Variants in IFT52 observed in about 807,000 individuals in gnomAD.
The protein encoded by IFT52 is intraflagellar transport protein 52 homolog.
A neutral mutation model predicts 54.4 loss-of-function variants in IFT52; 44 were observed. The ratio of observed to expected loss-of-function variants is 0.81; its 90% confidence interval spans 0.63 to 1.04. IFT52 has a LOEUF of 1.04. Ranked by LOEUF, IFT52 falls within the 50% of genes least tolerant of loss-of-function variation. The probability of loss-of-function intolerance (pLI) is 0.00; values close to 1 mark genes in which losing one functional copy is unlikely to be tolerated. For synonymous variants in IFT52, 181 were observed against 185.3 expected (o/e 0.98, Z 0.19); for missense variants, 452 against 523.6 (o/e 0.86, Z 1.33).
At chr20:43,593,101 AAATAAT>A (rs951117490) in intron 1 of IFT52, among the ~76,000 whole-genome samples, 17 of 152,272 alleles carry the variant, frequency 1.1e-4, no homozygotes, top group African/African-American at 3.1e-4. Flanking sequence ...CTTTTATCTC[AAATAAT>A]AATAATAAGA....
intron 6 of IFT52, among the ~76,000 whole-genome samples, chr20:43,610,618 A>G (rs1983363687): frequency 6.6e-6 from 1 of 151,962 alleles, no homozygotes; most frequent in Admixed American, 6.6e-5. Flanking sequence ...GGGCACCTGT[A>G]GTCCCAACTA....
At chr20:43,612,341 G>C (rs1390581445) in intron 6 of IFT52, among the ~76,000 whole-genome samples, 4 of 152,088 alleles carry the variant, frequency 2.6e-5, no homozygotes, top group Non-Finnish European at 5.9e-5. Flanking sequence ...CTCTTTCATA[G>C]TATGACAACA....
intron 12 of IFT52, 38 bp downstream of exon 12, chr20:43,637,291 T>G (rs756170856): frequency 8.3e-7 from 1 of 1,203,008 alleles, no homozygotes; most frequent in Non-Finnish European, 1.2e-6. Context: ...AGACAGAGTT[T>G]CACTCTTGTT....
intron 5 of IFT52, among the ~76,000 whole-genome samples, chr20:43,604,567 CT>C (rs536744805): frequency 1.8e-4 from 27 of 152,068 alleles, no homozygotes; most frequent in African/African-American, 5.8e-4. Context: ...CAGAGCGAGA[CT>C]TCATCTCAAA....
At chr20:43,633,022 T>C (rs1489934921) in intron 10 of IFT52, among the ~76,000 whole-genome samples, 1 of 152,208 alleles carries the variant, frequency 6.6e-6, no homozygotes, top group South Asian at 2.1e-4. Context: ...ATTTGGACTT[T>C]ATTGTATTCA....
At chr20:43,628,576 G>A (rs1156626224) in intron 10 of IFT52, among the ~76,000 whole-genome samples, 1 of 152,206 alleles carries the variant, frequency 6.6e-6, no homozygotes, top group Non-Finnish European at 1.5e-5. Flanking sequence ...AAAGAAGCCG[G>A]ACATGATGGC....
chr20:43,632,177 G>A (rs999070436), intron 10 of IFT52, among the ~76,000 whole-genome samples: 2 of 151,872 alleles, frequency 1.3e-5, no homozygotes, highest in South Asian at 4.2e-4. Context: ...CGCCTGCCTC[G>A]GCATCCCAAA....
At chr20:43,622,538 G>A (rs576488522) in intron 9 of IFT52, among the ~76,000 whole-genome samples, 33 of 151,670 alleles carry the variant, frequency 2.2e-4, no homozygotes, top group Admixed American at 1.8e-3. Flanking sequence ...AGGAGGCAGA[G>A]CTTGCAGTGA....
chr20:43,596,407 A>C, intron 2 of IFT52, 28 bp from the exon 3 acceptor site: 2 of 1,418,068 alleles, frequency 1.4e-6, no homozygotes, highest in Non-Finnish European at 2.0e-6. Context: ...TATGGACTTC[A>C]TATTTGCTTT....
intron 6 of IFT52, among the ~76,000 whole-genome samples, chr20:43,612,707 A>AAT (rs1568744741): frequency 2.4e-4 from 37 of 151,466 alleles, no homozygotes; most frequent in African/African-American, 3.6e-4. Context: ...ACAAAACAAA[A>AAT]CAAACAAAAA....
intron 9 of IFT52, among the ~76,000 whole-genome samples, chr20:43,622,010 G>A (rs1984337666): frequency 6.6e-6 from 1 of 152,198 alleles, no homozygotes; most frequent in Admixed American, 6.5e-5. Context: ...CAAGTGCAGA[G>A]CCAGGATCCA....
chr20:43,641,071 A>G (rs1244544117), intron 12 of IFT52, among the ~76,000 whole-genome samples: 1 of 151,416 alleles, frequency 6.6e-6, no homozygotes, highest in African/African-American at 2.4e-5. Flanking sequence ...AAGAAATTAC[A>G]GTATAATGTG....
intron 6 of IFT52, among the ~76,000 whole-genome samples, chr20:43,612,664 C>G (rs549435248): frequency 1.3e-5 from 2 of 151,586 alleles, no homozygotes; most frequent in African/African-American, 4.8e-5. Context: ...TGCACTCCAG[C>G]CTGGGCAACA....
intron 10 of IFT52, 167 bp downstream of exon 10, chr20:43,624,212 T>G: frequency 1.3e-6 from 1 of 742,234 alleles, no homozygotes; most frequent in South Asian, 1.8e-5. Context: ...CATGAGGGGT[T>G]GATGTAGAGG....
chr20:43,641,519 T>C (rs559285176), intron 12 of IFT52, among the ~76,000 whole-genome samples: 23 of 150,828 alleles, frequency 1.5e-4, no homozygotes. Flanking sequence ...ATTACAGATG[T>C]GAGCCACCAC....
chr20:43,617,292 A>G (rs1020089121), intron 7 of IFT52, among the ~76,000 whole-genome samples: 3 of 152,214 alleles, frequency 2.0e-5, no homozygotes, highest in Non-Finnish European at 4.4e-5. Context: ...TTTCACTAAA[A>G]TTCGACTAGC....
At position 43,612,328 on chromosome 20, in the gene IFT52, C is replaced by T. The variant is rs141756039; in HGVS notation, c.486-1522C>T. On this transcript the variant is annotated intron_variant, in intron 6 of 13. Coordinates refer to ENST00000373030, the MANE Select transcript of IFT52 (RefSeq NM_016004.5). ...TTTGGAGAATGTGGGCCAAGTACCACTTCTCTTTCATAGTATGACAACAAA... is the reference window on the plus strand; with the variant it reads ...TTTGGAGAATGTGGGCCAAGTACCATTTCTCTTTCATAGTATGACAACAAA... Among the ~76,000 whole-genome samples, 5 of 152,222 alleles carry T rather than the reference C, an allele frequency of 3.3e-5. No homozygotes were observed. The East Asian group carries it at 9.6e-4, about 29-fold the overall frequency.
chr20:43,642,800 G>T (rs116183835), intron 13 of IFT52, among the ~76,000 whole-genome samples, 176 bp downstream of exon 13: 142 of 152,328 alleles, frequency 9.3e-4, no homozygotes, highest in African/African-American at 3.3e-3. Flanking sequence ...ATACTAGCTG[G>T]AGGATGTAGA....
intron 6 of IFT52, among the ~76,000 whole-genome samples, chr20:43,607,136 C>A (rs1246076483): frequency 6.6e-6 from 1 of 152,186 alleles, no homozygotes; most frequent in African/African-American, 2.4e-5. Flanking sequence ...GGCAGAGGGG[C>A]TCCTCACTTC....
Sources: gnomAD v4.1 joint callset for allele counts (sites outside exome capture counted in the v4.1 genomes callset) on GRCh38, gnomAD v4.1.1 for gene constraint, MANE v1.5 for transcripts, NCBI Gene and HGNC (gene_info 2026-07-23, HGNC 2026-07-21) for gene names.